The following HSD17B4 variants were observed in gnomAD, a reference collection of about 807,000 sequenced individuals.
HSD17B4 encodes peroxisomal multifunctional enzyme type 2.
HSD17B4 carries 70 observed loss-of-function variants against 101.0 expected under a neutral mutation model. The observed-to-expected ratio is 0.69, with a 90% CI of 0.57 to 0.85. The LOEUF (loss-of-function observed/expected upper bound fraction) is 0.85, where lower values mean the gene tolerates loss of function less well. Ranked by LOEUF, HSD17B4 falls within the 40% of genes least tolerant of loss-of-function variation. HSD17B4 has a pLI of 0.00. For synonymous variants in HSD17B4, 347 were observed against 297.1 expected (o/e 1.17, Z -1.73); for missense variants, 984 against 892.4 (o/e 1.10, Z -1.31).
chr5:119,521,681 T>C (rs1753124751), intron 17 of HSD17B4, among the ~76,000 whole-genome samples: 1 of 151,966 alleles, frequency 6.6e-6, no homozygotes, highest in African/African-American at 2.4e-5. Flanking sequence ...TCATTTCTTA[T>C]ATGATTTTGA....
intron 1 of HSD17B4, chr5:119,452,837 C>A (rs777268791): frequency 4.6e-6 from 7 of 1,535,768 alleles, no homozygotes; most frequent in Non-Finnish European, 2.6e-6. Context: ...GCCCGCTTCT[C>A]CCCAGCACCC....
At chr5:119,501,955 A>G in intron 13 of HSD17B4, 86 bp from the exon 14 acceptor site, 1 of 807,238 alleles carries the variant, frequency 1.2e-6, no homozygotes, top group South Asian at 1.4e-5. Flanking sequence ...TGGATGGTAA[A>G]ATGTCACTTG....
chr5:119,534,593 C>G (rs1266761878), intron 22 of HSD17B4, among the ~76,000 whole-genome samples: 2 of 152,042 alleles, frequency 1.3e-5, no homozygotes, highest in African/African-American at 4.8e-5. Context: ...TTCTAGCAGT[C>G]AAACCAGATT....
chr5:119,468,771 A>G (rs1203617733), intron 2 of HSD17B4, among the ~76,000 whole-genome samples: 3 of 150,500 alleles, frequency 2.0e-5, no homozygotes, highest in Admixed American at 6.6e-5. Flanking sequence ...CATTACTACC[A>G]TAGGCTTTCT....
chr5:119,498,188 C>T (rs1750822245), intron 12 of HSD17B4, among the ~76,000 whole-genome samples: 2 of 152,066 alleles, frequency 1.3e-5, no homozygotes. Context: ...CTATGGTAGG[C>T]ATTGTGATAA....
chr5:119,531,377 A>G lies in HSD17B4; in HGVS notation c.1966A>G (p.Lys656Glu), dbSNP rs768158153. ...VNAVFEWHIT[K>E]GGNIGAKWTI... is the part of the protein sequence containing the mutation. ...TGCTGTATTTGAGTGGCATATAACCAAAGGCGGAAATATTGGGGCTAAGTG... is the reference window on the plus strand; with the variant it reads ...TGCTGTATTTGAGTGGCATATAACCGAAGGCGGAAATATTGGGGCTAAGTG... Residue 656 changes from lysine (K) to glutamate (E), a missense_variant, in exon 22 of 24, where the codon AAA (lysine) becomes GAA (glutamate). By Grantham distance (56) the Lys-to-Glu change is moderately conservative (BLOSUM62 1). Coordinates refer to ENST00000510025, the MANE Select transcript of HSD17B4 (RefSeq NM_000414.4). The G allele has an allele frequency of 6.2e-7, 1 of 1,613,580 alleles. No homozygotes were observed. The highest frequency in any genetic ancestry group is 2.2e-5 in the East Asian group (1 of 44,866).
At chr5:119,458,305 A>G (rs1252532349) in intron 2 of HSD17B4, among the ~76,000 whole-genome samples, 1 of 151,046 alleles carries the variant, frequency 6.6e-6, no homozygotes, top group African/African-American at 2.4e-5. Context: ...TTACATGTAC[A>G]CCATAGACAC....
At chr5:119,486,507 C>G (rs546858184) in intron 8 of HSD17B4, among the ~76,000 whole-genome samples, 6 of 152,082 alleles carry the variant, frequency 3.9e-5, no homozygotes, top group African/African-American at 1.4e-4. Context: ...TGAATAAACA[C>G]TTTATTGTTT....
chr5:119,494,013 A>G lies in HSD17B4; in HGVS notation c.868+67A>G, dbSNP rs1030952412. 6.6e-6 allele frequency: 10 copies of G among 1,526,624 alleles called. No individual in the cohort carries two copies. The African/African-American group carries it at 1.1e-4, about 17-fold the overall frequency. 94.6% of individuals were successfully genotyped at this position (1,526,624 alleles called of 1,614,324 possible). A position where few individuals can be genotyped will look rare whatever the true frequency, so the allele number is the denominator to read the frequency against. Reference sequence around the variant, plus strand: ...GAGGCAGCAAGCATTTTCTTCTCTTATGTAGTTGTCTTCTATGTTAACTGT... The same window carrying G: ...GAGGCAGCAAGCATTTTCTTCTCTTGTGTAGTTGTCTTCTATGTTAACTGT... On this transcript the variant is annotated intron_variant, in intron 11 of 23. Coordinates refer to ENST00000510025, the MANE Select transcript of HSD17B4 (RefSeq NM_000414.4).
At chr5:119,463,982 C>T (rs1332263434) in intron 2 of HSD17B4, among the ~76,000 whole-genome samples, 1 of 151,686 alleles carries the variant, frequency 6.6e-6, no homozygotes, top group African/African-American at 2.4e-5. Context: ...TTGAGAAATG[C>T]CTATTCAGTT....
At chr5:119,471,700 A>G (rs781379700) in intron 2 of HSD17B4, 2 of 1,428,424 alleles carry the variant, frequency 1.4e-6, no homozygotes, top group East Asian at 2.5e-5. Flanking sequence ...CTTTGTTTCA[A>G]GTAATTCTCT....
At chr5:119,521,502 A>G (rs1018082950) in intron 17 of HSD17B4, among the ~76,000 whole-genome samples, 1 of 152,030 alleles carries the variant, frequency 6.6e-6, no homozygotes. Flanking sequence ...GTATCCATTT[A>G]TATGTATGTT....
At chr5:119,531,955 C>A (rs1346641353) in intron 22 of HSD17B4, among the ~76,000 whole-genome samples, 1 of 152,120 alleles carries the variant, frequency 6.6e-6, no homozygotes, top group Non-Finnish European at 1.5e-5. Context: ...TATAAAACAT[C>A]TTGCCGCAGA....
At chr5:119,493,761 C>T in intron 10 of HSD17B4, 57 bp from the exon 11 acceptor site, 1 of 1,541,972 alleles carries the variant, frequency 6.5e-7, no homozygotes, top group South Asian at 1.1e-5. Context: ...TCTTATGCAT[C>T]TTACTTTCTG....
intron 21 of HSD17B4, among the ~76,000 whole-genome samples, chr5:119,530,795 G>A (rs1424285429): frequency 1.5e-5 from 2 of 135,504 alleles, no homozygotes; most frequent in African/African-American, 2.7e-5. Flanking sequence ...GGAGGTTGCA[G>A]TGAGCCAAGA....
rs570146579 is a variant in HSD17B4, at chr5:119,453,602, T to C, written c.58+969T>C. ...TGGAAAGGCCCTAATGCATGAATTA[T>C]TTGAGTTATATATTAAACGTTACAA... On this transcript the variant is annotated intron_variant, in intron 1 of 23. Transcript: ENST00000510025. Among the ~76,000 whole-genome samples the C allele has an allele frequency of 2.1e-4, 32 of 152,344 alleles. 1 individual carries two copies. Among genetic ancestry groups the C allele is most frequent in the Admixed American group, 2.0e-3 (30 of 15,308 alleles).
intron 14 of HSD17B4, among the ~76,000 whole-genome samples, chr5:119,503,010 G>C (rs1461224096): frequency 6.6e-6 from 1 of 151,776 alleles, no homozygotes; most frequent in East Asian, 1.9e-4. Context: ...AAAATCACCC[G>C]AGTTATTACA....
Position 119,496,579 on chromosome 5 carries a change from TAGATTC to T in HSD17B4, c.909_914del (p.Asp303_Ser304del), listed in dbSNP as rs752231856. 6.2e-7 allele frequency: 1 copy of T among 1,601,466 alleles called. No individual in the cohort carries two copies. The highest frequency in any genetic ancestry group is 1.7e-5 in the Admixed American group (1 of 59,996). On this transcript the variant is annotated inframe_deletion, in exon 12 of 24. Coordinates refer to ENST00000510025, the MANE Select transcript of HSD17B4 (RefSeq NM_000414.4). Reference sequence around the variant, plus strand: ...AGTATAATTGAAGTTCTGAGTAAAATAGATTCAGAAGGAGGAGTTTCAGCAAATCAT... The same window carrying T: ...AGTATAATTGAAGTTCTGAGTAAAATAGAAGGAGGAGTTTCAGCAAATCAT...
At chr5:119,464,993 T>G (rs1755672223) in intron 2 of HSD17B4, among the ~76,000 whole-genome samples, 1 of 152,172 alleles carries the variant, frequency 6.6e-6, no homozygotes, top group African/African-American at 2.4e-5. Context: ...TTTGGGATCT[T>G]TTGTGGTTTC....
Sources: gnomAD v4.1 joint callset for allele counts (sites outside exome capture counted in the v4.1 genomes callset) on GRCh38, gnomAD v4.1.1 for gene constraint, MANE v1.5 for transcripts, NCBI Gene and HGNC (gene_info 2026-07-23, HGNC 2026-07-21) for gene names.